Variants in RAB36 observed in about 807,000 individuals in gnomAD.
The protein encoded by RAB36 is RAB36, member RAS oncogene family.
In RAB36, 33 loss-of-function variants were observed where a neutral mutation model predicts 39.3. That is an observed-to-expected ratio of 0.84 (90% confidence interval 0.64 to 1.12). RAB36 has a LOEUF of 1.12. Among genes scored for constraint, RAB36 ranks in the 50% most tolerant of loss-of-function variants. RAB36 has a pLI of 0.00. For synonymous variants in RAB36, 133 were observed against 140.2 expected (o/e 0.95, Z 0.36); for missense variants, 308 against 355.3 (o/e 0.87, Z 1.07).
intron 1 of RAB36, 21 bp from the exon 2 acceptor site, chr22:23,146,584 T>C: frequency 6.2e-7 from 1 of 1,612,112 alleles, no homozygotes; most frequent in African/African-American, 1.3e-5. Context: ...TTAACTGTCT[T>C]TCTCCTGGTT....
chr22:23,155,960 C>A lies in RAB36; in HGVS notation c.330-8C>A, dbSNP rs1196422439. ...ACCATTTCCCTTTCTTTCTCACCCA[C>A]CTCACAGCTGGGACACAGCTGGGCA... On this transcript the variant is annotated splice_region_variant and splice_polypyrimidine_tract_variant and intron_variant, in intron 5 of 10. Transcript: ENST00000263116. 6.2e-7 allele frequency: 1 copy of A among 1,608,280 alleles called. No individual in the cohort carries two copies.
intron 10 of RAB36, 63 bp from the exon 11 acceptor site, chr22:23,161,437 C>A: frequency 1.4e-6 from 2 of 1,407,420 alleles, no homozygotes; most frequent in Non-Finnish European, 2.0e-6. Flanking sequence ...GGCCGGCATC[C>A]CCTGCCCAGT....
Position 23,162,617 on chromosome 22 carries a change from C to T in RAB36, c.*1053C>T, listed in dbSNP as rs1395850147. The T allele has an allele frequency of 2.2e-6, 1 of 456,268 alleles. No homozygotes were observed. Among genetic ancestry groups the T allele is most frequent in the Non-Finnish European group, 4.4e-6 (1 of 226,908 alleles). 28.3% of individuals were successfully genotyped at this position (456,268 alleles called of 1,614,324 possible). ...CCACACATTCCCCAGCCTCTCTGCC[C>T]AGTATGCTCATCCACAGGGTTTTCT... On this transcript the variant is annotated 3_prime_UTR_variant, in exon 11 of 11. Transcript: ENST00000263116.
At chr22:23,157,336 C>T (rs1272880913) in intron 6 of RAB36, among the ~76,000 whole-genome samples, 1 of 151,996 alleles carries the variant, frequency 6.6e-6, no homozygotes, top group Non-Finnish European at 1.5e-5. Context: ...CTGCAAGCTC[C>T]GCCTCCCGCA....
In RAB36 at chr22:23,158,192, T is replaced by TA; in HGVS notation, c.446+150dup. On this transcript the variant is annotated intron_variant, in intron 7 of 10. Transcript: ENST00000263116. ...CAGAACCAGCTGCCCACGGACTACT[T>TA]ACTGTCCAACTGCCTTTATCGCTTG... 5 of 1,484,010 alleles carry TA rather than the reference T, an allele frequency of 3.4e-6. No individual in the cohort carries two copies. The East Asian group carries it at 9.3e-5, about 28-fold the overall frequency. 91.9% of individuals were successfully genotyped at this position (1,484,010 alleles called of 1,614,324 possible). A position where few individuals can be genotyped will look rare whatever the true frequency, so the allele number is the denominator to read the frequency against.
chr22:23,152,388 A>C, intron 3 of RAB36, 73 bp from the exon 4 acceptor site: 1 of 1,487,806 alleles, frequency 6.7e-7, no homozygotes, highest in East Asian at 2.3e-5. Flanking sequence ...AGCTCAGGGA[A>C]GGAAGGGGCT....
chr22:23,154,018 T>G (rs2071316838), intron 5 of RAB36, among the ~76,000 whole-genome samples: 1 of 152,070 alleles, frequency 6.6e-6, no homozygotes, highest in African/African-American at 2.4e-5. Flanking sequence ...TGCTAGGCCC[T>G]GGGAGTCTGA....
intron 5 of RAB36, among the ~76,000 whole-genome samples, chr22:23,154,682 T>C (rs73152603): frequency 1.7e-3 from 259 of 152,320 alleles, no homozygotes; most frequent in Non-Finnish European, 3.2e-3. Flanking sequence ...TTGTCTTACA[T>C]TGAGGCCTTT....
chr22:23,159,337 C>T, intron 9 of RAB36, 84 bp downstream of exon 9: 1 of 1,309,770 alleles, frequency 7.6e-7, no homozygotes, highest in Non-Finnish European at 1.0e-6. Context: ...CAGTGTTTCC[C>T]TCTGTAGCCA....
chr22:23,148,052 C>G (rs1487179046), intron 2 of RAB36, among the ~76,000 whole-genome samples: 2 of 152,120 alleles, frequency 1.3e-5, no homozygotes, highest in African/African-American at 4.8e-5. Context: ...TAGATCCTCT[C>G]CATGGAATGG....
intron 3 of RAB36, among the ~76,000 whole-genome samples, chr22:23,151,593 A>G (rs887286089): frequency 2.6e-5 from 4 of 152,186 alleles, no homozygotes; most frequent in African/African-American, 9.7e-5. Context: ...AGTGTTGTCA[A>G]CAGTCCCAGG....
chr22:23,159,301 G>C (rs1380700988), intron 9 of RAB36, 48 bp downstream of exon 9: 5 of 1,518,466 alleles, frequency 3.3e-6, no homozygotes. Context: ...CCCTGCTCTT[G>C]GGCCAGTCCT....
At chr22:23,160,371 G>A (rs751280316) in intron 9 of RAB36, among the ~76,000 whole-genome samples, 5 of 152,326 alleles carry the variant, frequency 3.3e-5, no homozygotes, top group African/African-American at 4.8e-5. Context: ...GGCAGTGTGC[G>A]TGTTAAGGGC....
In RAB36 at chr22:23,150,148, C is replaced by G. The variant is rs1180021103; in HGVS notation, c.155C>G (p.Thr52Ser). 6.2e-7 allele frequency: 1 copy of G among 1,610,884 alleles called. No individual in the cohort carries two copies. The highest frequency in any genetic ancestry group is 1.1e-5 in the South Asian group (1 of 90,596). The part of the protein sequence containing the change: ...SAACQRRNTG[T>S]VGLKLSKVVV... ...GCCTGCCAACGCAGGAACACGGGGA[C>G]TGTCGGGTGAGCCTGCAGGGTGTGG... is the stretch of plus-strand genomic sequence containing the variant. Residue 52 changes from threonine (T) to serine (S), a missense_variant, in exon 3 of 11, where the codon ACT becomes AGT. Transcript: ENST00000263116.
At chr22:23,146,137 T>C (rs1218537178) in intron 1 of RAB36, 1 of 458,830 alleles carries the variant, frequency 2.2e-6, no homozygotes. Flanking sequence ...CATACCATGC[T>C]GCCTGCTGTA....
Position 23,145,564 on chromosome 22 carries a change from GC to G in RAB36, c.-13+16del. 1 of 1,596,044 alleles carries G rather than the reference GC, an allele frequency of 6.3e-7. No homozygotes were observed. On this transcript the variant is annotated intron_variant, in intron 1 of 10. Coordinates refer to ENST00000263116, the MANE Select transcript of RAB36 (RefSeq NM_004914.5). Reference sequence around the variant, plus strand: ...ACAGCCATCGCTGGTGAGTCAGCTCGCCCACTCTGTCCGACCCTCCCGGTCA... The same window carrying G: ...ACAGCCATCGCTGGTGAGTCAGCTCGCCACTCTGTCCGACCCTCCCGGTCA...
At chr22:23,160,800 A>G (rs9612252) in intron 9 of RAB36, 79 bp from the exon 10 acceptor site, 780,912 of 1,552,816 alleles carry the variant, frequency 0.5, 197,904 homozygotes, top group East Asian at 0.63. Flanking sequence ...AGGGTAGGCT[A>G]GCCTGGCTTT....
chr22:23,156,352 CA>C (rs2146558005), intron 6 of RAB36: 1 of 262,810 alleles, frequency 3.8e-6, no homozygotes, highest in Non-Finnish European at 7.5e-6. Context: ...CACTGGACTC[CA>C]GGGGGAGGTC....
Position 23,162,607 on chromosome 22 carries a change from CCT to C in RAB36, c.*1048_*1049del, listed in dbSNP as rs1195053436. 2 of 455,462 alleles carry C rather than the reference CCT, an allele frequency of 4.4e-6. No homozygotes were observed. The highest frequency in any genetic ancestry group is 7.0e-5 in the East Asian group (1 of 14,368). 28.2% of individuals were successfully genotyped at this position (455,462 alleles called of 1,614,324 possible). The stretch of plus-strand genomic sequence containing the variant: ...CAGAAATACCCCACACATTCCCCAG[CCT>C]CTCTGCCCAGTATGCTCATCCACAG... On this transcript the variant is annotated 3_prime_UTR_variant, in exon 11 of 11. Coordinates refer to ENST00000263116, the MANE Select transcript of RAB36 (RefSeq NM_004914.5).
Sources: gnomAD v4.1 joint callset for allele counts (sites outside exome capture counted in the v4.1 genomes callset) on GRCh38, gnomAD v4.1.1 for gene constraint, MANE v1.5 for transcripts, NCBI Gene and HGNC (gene_info 2026-07-23, HGNC 2026-07-21) for gene names.